AGBL4: variants seen among roughly 807,000 people sequenced by gnomAD.
AGBL4 encodes cytosolic carboxypeptidase 6.
Under a neutral mutation model 66.4 loss-of-function variants are expected in AGBL4, and 58 were observed. The ratio of observed to expected loss-of-function variants is 0.87; its 90% CI spans 0.71 to 1.09. AGBL4 has a LOEUF of 1.09. AGBL4 is among the 50% of genes least tolerant of loss of function. AGBL4 has a pLI of 0.00. For synonymous variants in AGBL4, 234 were observed against 222.9 expected, an observed-to-expected ratio of 1.05 and a Z score of -0.44; for missense variants, 579 against 631.0, an observed-to-expected ratio of 0.92 and a Z score of 0.88.
intron 3 of AGBL4, among the ~76,000 whole-genome samples, chr1:49,687,134 T>G (rs1646801551): frequency 1.3e-5 from 2 of 152,188 alleles, no homozygotes; most frequent in Admixed American, 1.3e-4. Context: ...TAAGGCATTT[T>G]GCAGTGGAGT....
In AGBL4 at chr1:49,745,962, G is replaced by C. The variant is rs560424879; in HGVS notation, c.158-48525C>G. 2.6e-5 allele frequency among the ~76,000 whole-genome samples: 4 copies of C among 152,082 alleles called. No individual in the cohort carries two copies. The East Asian group carries it at 7.7e-4, about 29-fold the overall frequency. On this transcript the variant is annotated intron_variant, in intron 2 of 13. Coordinates refer to ENST00000371839, the MANE Select transcript of AGBL4 (RefSeq NM_032785.4). ...TCAGATGAACACAAAACATTCTCCA[G>C]GACAGACCAGAAATTATGCATAATT...
intron 3 of AGBL4, among the ~76,000 whole-genome samples, chr1:49,525,317 G>A (rs1650573063): frequency 6.6e-6 from 1 of 152,036 alleles, no homozygotes; most frequent in Non-Finnish European, 1.5e-5. Flanking sequence ...CAAACCTGCT[G>A]TAGAGTGAGT....
intron 3 of AGBL4, among the ~76,000 whole-genome samples, chr1:49,661,832 C>G (rs1171746034): frequency 6.6e-6 from 1 of 152,010 alleles, no homozygotes; most frequent in East Asian, 1.9e-4. Context: ...TAATTATAGG[C>G]ATTTACCCAA....
chr1:49,845,115 A>C, intron 2 of AGBL4: 1 of 1,446,804 alleles, frequency 6.9e-7, no homozygotes, highest in Non-Finnish European at 9.7e-7. Flanking sequence ...GTCACAGCTC[A>C]GCACTTACCC....
intron 4 of AGBL4, among the ~76,000 whole-genome samples, chr1:49,217,233 A>G (rs770728612): frequency 1.1e-4 from 16 of 152,136 alleles, no homozygotes; most frequent in Non-Finnish European, 1.9e-4. Flanking sequence ...TCTGGTGTTT[A>G]AAGCCTTTTA....
intron 4 of AGBL4, among the ~76,000 whole-genome samples, chr1:49,222,375 A>T (rs1184166166): frequency 6.6e-6 from 1 of 152,156 alleles, no homozygotes; most frequent in Non-Finnish European, 1.5e-5. Context: ...TATACAGAAG[A>T]TATTCTTAGG....
chr1:49,234,772 A>G (rs927485063), intron 4 of AGBL4, among the ~76,000 whole-genome samples: 2 of 152,168 alleles, frequency 1.3e-5, no homozygotes, highest in Admixed American at 6.5e-5. Context: ...ATCTCAGGAA[A>G]GCCCAGAGTT....
At chr1:48,686,260 C>T (rs944932765) in intron 6 of AGBL4, among the ~76,000 whole-genome samples, 1 of 152,162 alleles carries the variant, frequency 6.6e-6, no homozygotes, top group Non-Finnish European at 1.5e-5. Context: ...CCTCTGAATC[C>T]CCACAGTCCA....
At chr1:49,357,240 C>T (rs921921947) in intron 3 of AGBL4, among the ~76,000 whole-genome samples, 9 of 152,186 alleles carry the variant, frequency 5.9e-5, no homozygotes, top group Non-Finnish European at 1.0e-4. Flanking sequence ...CCTGTGTACT[C>T]ATCTTGCTAT....
In AGBL4 at chr1:49,445,122, G is replaced by A. The variant is rs1646125042; in HGVS notation, c.283-199258C>T. On this transcript the variant is annotated intron_variant, in intron 3 of 13. Transcript: ENST00000371839. ...TCATTTATGAAAGATTTCTTTGCTG[G>A]AAAAAATCTTTGTAATTATGGCTGA... Among the ~76,000 whole-genome samples the A allele has an allele frequency of 4.0e-5, 6 of 151,384 alleles. No individual in the cohort carries two copies. In the South Asian group the frequency reaches 1.2e-3, roughly 31 times the overall value.
chr1:48,804,600 G>A (rs915252437), intron 6 of AGBL4, among the ~76,000 whole-genome samples: 2 of 152,148 alleles, frequency 1.3e-5, no homozygotes, highest in Admixed American at 6.5e-5. Flanking sequence ...AGAAAGAAAT[G>A]GTGCATCCGG....
intron 5 of AGBL4, among the ~76,000 whole-genome samples, chr1:48,904,138 G>T (rs569459983): frequency 1.3e-5 from 2 of 152,212 alleles, no homozygotes; most frequent in African/African-American, 4.8e-5. Flanking sequence ...AATTAACTGG[G>T]TGTAGTGGTG....
chr1:48,738,329 T>C (rs1280368552), intron 6 of AGBL4, among the ~76,000 whole-genome samples: 1 of 152,214 alleles, frequency 6.6e-6, no homozygotes, highest in Non-Finnish European at 1.5e-5. Flanking sequence ...CCACCTGGCC[T>C]CTCTGTGCTG....
At chr1:49,649,453 G>A (rs939638767) in intron 3 of AGBL4, among the ~76,000 whole-genome samples, 6 of 152,120 alleles carry the variant, frequency 3.9e-5, no homozygotes, top group Non-Finnish European at 7.4e-5. Flanking sequence ...TAACAAGAGA[G>A]CATCAAACTA....
At chr1:49,257,614 C>A (rs1652653117) in intron 3 of AGBL4, 1 of 152,962 alleles carries the variant, frequency 6.5e-6, no homozygotes, top group Admixed American at 6.5e-5. Flanking sequence ...TGACCTCTTG[C>A]ACGTCCCGAG....
chr1:48,786,863 G>T (rs560935755), intron 6 of AGBL4, among the ~76,000 whole-genome samples: 1 of 152,202 alleles, frequency 6.6e-6, no homozygotes, highest in East Asian at 1.9e-4. Flanking sequence ...TGTGAAAAAT[G>T]TCAGCCTCCC....
At chr1:48,769,175 G>A (rs1644679890) in intron 6 of AGBL4, among the ~76,000 whole-genome samples, 1 of 152,196 alleles carries the variant, frequency 6.6e-6, no homozygotes, top group African/African-American at 2.4e-5. Flanking sequence ...TCTCAGCTGT[G>A]TAATGTAGGG....
chr1:48,748,795 G>A (rs1328835061), intron 6 of AGBL4, among the ~76,000 whole-genome samples: 3 of 152,108 alleles, frequency 2.0e-5, no homozygotes, highest in African/African-American at 4.8e-5. Context: ...ATGGATGCGC[G>A]ACATCTTGGG....
chr1:48,550,317 C>T (rs1557779026), intron 11 of AGBL4, among the ~76,000 whole-genome samples: 2 of 151,748 alleles, frequency 1.3e-5, no homozygotes, highest in East Asian at 3.9e-4. Context: ...ATTCCCTCCA[C>T]AGGCCCCGGG....
Sources: gnomAD v4.1 joint callset for allele counts (sites outside exome capture counted in the v4.1 genomes callset) on GRCh38, gnomAD v4.1.1 for gene constraint, MANE v1.5 for transcripts, NCBI Gene and HGNC (gene_info 2026-07-23, HGNC 2026-07-21) for gene names.